Variants in APP observed in about 807,000 individuals in gnomAD.
APP encodes amyloid beta precursor protein.
APP carries 31 observed loss-of-function variants against 101.4 expected under a neutral mutation model. The observed-to-expected ratio is 0.31, with a 90% CI of 0.23 to 0.41. The LOEUF (loss-of-function observed/expected upper bound fraction) is 0.41, where lower values mean the gene tolerates loss of function less well. APP is among the 10% of genes least tolerant of loss of function. The pLI, the probability that APP is intolerant of heterozygous loss-of-function variation, is 1.00. For synonymous variants in APP, 366 were observed against 364.4 expected, an observed-to-expected ratio of 1.00 and a Z score of -0.05; for missense variants, 839 against 1,003.7, an observed-to-expected ratio of 0.84 and a Z score of 2.22.
chr21:25,881,611 C>T lies in APP; in HGVS notation c.*59G>A. 1.1e-5 allele frequency: 17 copies of T among 1,539,410 alleles called. No individual in the cohort carries two copies. Among genetic ancestry groups the T allele is most frequent in the Non-Finnish European group, 1.3e-5 (14 of 1,112,872 alleles). On this transcript the variant is annotated 3_prime_UTR_variant, in exon 18 of 18. Transcript: ENST00000346798. ...CCCACATTATTCTATAAATGGACAC[C>T]GATGGGTAGTGAAGCAATGGTTTTG... is the stretch of plus-strand genomic sequence containing the variant.
At chr21:26,012,071 T>G (rs916588145) in intron 6 of APP, among the ~76,000 whole-genome samples, 6 of 130,186 alleles carry the variant, frequency 4.6e-5, no homozygotes, top group Non-Finnish European at 9.0e-5. Context: ...GGTGGTGTGA[T>G]CACGGCTCAC....
chr21:25,941,918 C>T (rs956653361), intron 13 of APP: 2 of 152,200 alleles, frequency 1.3e-5, no homozygotes, highest in Non-Finnish European at 2.9e-5. Context: ...GAATTATTAT[C>T]TCATGCTTTC....
chr21:25,897,114 A>G (rs1433181476), intron 16 of APP, among the ~76,000 whole-genome samples: 1 of 151,198 alleles, frequency 6.6e-6, no homozygotes, highest in Non-Finnish European at 1.5e-5. Flanking sequence ...AGAACTATAC[A>G]TACAGCCTCT....
At chr21:26,019,215 A>C (rs1211170336) in intron 6 of APP, among the ~76,000 whole-genome samples, 1 of 152,216 alleles carries the variant, frequency 6.6e-6, no homozygotes, top group African/African-American at 2.4e-5. Flanking sequence ...ACCTGCAGTT[A>C]ATGCCCATCT....
chr21:26,155,342 T>C (rs974283171), intron 1 of APP, among the ~76,000 whole-genome samples: 1 of 152,126 alleles, frequency 6.6e-6, no homozygotes, highest in African/African-American at 2.4e-5. Context: ...GAAAAAATAA[T>C]GTATTTCATA....
chr21:26,026,061 CT>C, intron 5 of APP, among the ~76,000 whole-genome samples: 1 of 152,300 alleles, frequency 6.6e-6, no homozygotes, highest in East Asian at 1.9e-4. Flanking sequence ...GTCCTGTGGA[CT>C]TGTTTTGAAA....
chr21:26,062,661 C>CAAAT (rs10529214), intron 3 of APP, among the ~76,000 whole-genome samples: 60,284 of 145,148 alleles, frequency 0.42, 12,832 homozygotes, highest in Non-Finnish European at 0.45. Context: ...GACTCTGTCT[C>CAAAT]AAATAAATAA....
intron 7 of APP, among the ~76,000 whole-genome samples, chr21:25,998,125 ATC>A (rs1352263553): frequency 6.6e-6 from 1 of 152,088 alleles, no homozygotes; most frequent in African/African-American, 2.4e-5. Flanking sequence ...AACCAAATAA[ATC>A]TCTTATTACC....
At position 26,050,920 on chromosome 21, in the gene APP, G is replaced by C. The variant is rs967163884; in HGVS notation, c.662+80C>G. 6.4e-6 allele frequency: 10 copies of C among 1,551,670 alleles called. No homozygotes were observed. The African/African-American group carries it at 1.4e-4, about 21-fold the overall frequency. The stretch of plus-strand genomic sequence containing the variant: ...GCAGAGACCTTTTCAGTGATAAACA[G>C]AAAGATTAATTTACAGGATACAAAT... On this transcript the variant is annotated intron_variant, in intron 5 of 17. Coordinates refer to ENST00000346798, the MANE Select transcript of APP (RefSeq NM_000484.4).
intron 13 of APP, among the ~76,000 whole-genome samples, chr21:25,914,582 C>G (rs1465039171): frequency 3.3e-5 from 4 of 122,334 alleles, no homozygotes; most frequent in Non-Finnish European, 4.7e-5. Context: ...GAGACGGAGT[C>G]TTGCTCTGTC....
chr21:25,938,317 T>G (rs575339169), intron 13 of APP, among the ~76,000 whole-genome samples: 1 of 152,248 alleles, frequency 6.6e-6, no homozygotes, highest in Admixed American at 6.5e-5. Context: ...ATGGCCAGTT[T>G]ATAGATGGGG....
At chr21:26,046,115 C>A (rs145928614) in intron 5 of APP, among the ~76,000 whole-genome samples, 1 of 151,824 alleles carries the variant, frequency 6.6e-6, no homozygotes, top group Non-Finnish European at 1.5e-5. Flanking sequence ...TGCCTCCCAC[C>A]GAGTCCCTTC....
intron 5 of APP, among the ~76,000 whole-genome samples, chr21:26,035,903 A>T (rs1465578736): frequency 1.3e-5 from 2 of 152,228 alleles, no homozygotes; most frequent in African/African-American, 4.8e-5. Flanking sequence ...GATGAGTTCT[A>T]GGTTCTCAGC....
rs2038146807 is a variant in APP at position 25,897,448 on chromosome 21, T to C, written c.2064+125A>G. On this transcript the variant is annotated intron_variant, in intron 16 of 17. Coordinates refer to ENST00000346798, the MANE Select transcript of APP (RefSeq NM_000484.4). ...TATTTTCTTCATGTTTTCATGGTAA[T>C]CCTATAGGCAAGCATTGTATTTTTA... 3 of 816,884 alleles carry C rather than the reference T, an allele frequency of 3.7e-6. No homozygotes were observed. The Admixed American group carries it at 5.7e-5, about 16-fold the overall frequency. The allele number at this position is 816,884 out of a possible 1,614,324, so 50.6% of individuals were successfully genotyped here.
chr21:26,127,060 A>C (rs2062700380), intron 1 of APP, among the ~76,000 whole-genome samples: 1 of 152,178 alleles, frequency 6.6e-6, no homozygotes, highest in African/African-American at 2.4e-5. Context: ...CTTCAACTCA[A>C]GATTACAGAA....
chr21:26,054,668 GA>G (rs2045972490), intron 3 of APP, among the ~76,000 whole-genome samples: 1 of 134,444 alleles, frequency 7.4e-6, no homozygotes, highest in Admixed American at 8.0e-5. Context: ...ATAATTAAGT[GA>G]AGGATAGATC....
intron 13 of APP, among the ~76,000 whole-genome samples, chr21:25,912,808 AAGAG>A (rs1487484012): frequency 6.6e-6 from 1 of 152,336 alleles, no homozygotes; most frequent in Non-Finnish European, 1.5e-5. Context: ...TTACTGGAAA[AAGAG>A]AGCTTAGAAT....
intron 13 of APP, among the ~76,000 whole-genome samples, chr21:25,944,195 T>TA (rs2040706112): frequency 6.6e-6 from 1 of 152,226 alleles, no homozygotes; most frequent in Admixed American, 6.5e-5. Context: ...CAGGCTTTTT[T>TA]AAACGCACTA....
At chr21:26,030,953 C>A (rs2044791205) in intron 5 of APP, among the ~76,000 whole-genome samples, 1 of 152,146 alleles carries the variant, frequency 6.6e-6, no homozygotes, top group African/African-American at 2.4e-5. Flanking sequence ...AAATTCCCTG[C>A]CTTCCTGGTA....
Sources: gnomAD v4.1 joint callset for allele counts (sites outside exome capture counted in the v4.1 genomes callset) on GRCh38, gnomAD v4.1.1 for gene constraint, MANE v1.5 for transcripts, NCBI Gene and HGNC (gene_info 2026-07-23, HGNC 2026-07-21) for gene names.